The following COL22A1 variants were observed in gnomAD, a reference collection of about 807,000 sequenced individuals.
The protein encoded by COL22A1 is collagen type XXII alpha 1 chain.
A neutral mutation model predicts 248.9 loss-of-function variants in COL22A1; 221 were observed. That is an observed-to-expected ratio of 0.89 (90% CI 0.80 to 0.99). The LOEUF (loss-of-function observed/expected upper bound fraction) is 0.99, where lower values mean the gene tolerates loss of function less well. COL22A1 is among the 50% of genes least tolerant of loss of function. COL22A1 has a pLI of 0.00. For missense variants in COL22A1, 2,240 were observed against 2,179.0 expected, an observed-to-expected ratio of 1.03 and a Z score of -0.56; for synonymous variants, 891 against 793.4, an observed-to-expected ratio of 1.12 and a Z score of -2.07.
chr8:138,667,902 C>G (rs901236612), intron 41 of COL22A1, among the ~76,000 whole-genome samples: 3 of 151,920 alleles, frequency 2.0e-5, no homozygotes, highest in African/African-American at 7.3e-5. Flanking sequence ...GATCAAGCCT[C>G]TAGGTCTGAG....
At chr8:138,845,855 C>T (rs958473208) in intron 3 of COL22A1, among the ~76,000 whole-genome samples, 6 of 152,172 alleles carry the variant, frequency 3.9e-5, no homozygotes, top group African/African-American at 1.2e-4. Flanking sequence ...ACTTATCTCC[C>T]TGAAGACCCA....
chr8:138,781,399 G>T (rs770825163), intron 12 of COL22A1, among the ~76,000 whole-genome samples: 1 of 152,282 alleles, frequency 6.6e-6, no homozygotes, highest in Non-Finnish European at 1.5e-5. Flanking sequence ...CTATGGGGCT[G>T]AGCTGTGCAC....
intron 50 of COL22A1, among the ~76,000 whole-genome samples, chr8:138,627,816 T>C (rs1300306030): frequency 6.6e-6 from 1 of 152,184 alleles, no homozygotes; most frequent in Non-Finnish European, 1.5e-5. Context: ...TAAGCCTGTT[T>C]GCATCAGTTA....
At chr8:138,844,189 T>G (rs1342700851) in intron 3 of COL22A1, 31 bp from the exon 4 acceptor site, 1 of 1,597,868 alleles carries the variant, frequency 6.3e-7, no homozygotes, top group African/African-American at 1.3e-5. Flanking sequence ...CAGAGACTGA[T>G]GAGAAAATGT....
In COL22A1 at chr8:138,799,872, C is replaced by T. The variant is rs569039417; in HGVS notation, c.1557+3000G>A. On this transcript the variant is annotated intron_variant, in intron 11 of 64. Coordinates refer to ENST00000303045, the MANE Select transcript of COL22A1 (RefSeq NM_152888.3). ...GGAGCAGTCTTCTTAGTGGTGTTTTCCCCCTGGTTCTTTCTGGTAAACTAG... is the reference window on the plus strand; with the variant it reads ...GGAGCAGTCTTCTTAGTGGTGTTTTTCCCCTGGTTCTTTCTGGTAAACTAG... Among the ~76,000 whole-genome samples the T allele has an allele frequency of 3.3e-5, 5 of 152,216 alleles. No individual in the cohort carries two copies. The South Asian group carries it at 1.0e-3, about 32-fold the overall frequency.
At chr8:138,755,623 C>T in intron 19 of COL22A1, 112 bp from the exon 20 acceptor site, 1 of 1,379,580 alleles carries the variant, frequency 7.2e-7, no homozygotes, top group Non-Finnish European at 1.0e-6. Context: ...CATGTCGTGC[C>T]TCCTGACTTT....
At chr8:138,854,343 C>G (rs570088127) in intron 3 of COL22A1, among the ~76,000 whole-genome samples, 3 of 152,296 alleles carry the variant, frequency 2.0e-5, no homozygotes, top group Admixed American at 2.0e-4. Flanking sequence ...AGAGCCTCTG[C>G]CCTCCTGAAG....
chr8:138,632,715 G>C (rs944450028), intron 49 of COL22A1, among the ~76,000 whole-genome samples: 3 of 152,154 alleles, frequency 2.0e-5, no homozygotes, highest in African/African-American at 7.2e-5. Context: ...TCCTGGGGCA[G>C]GGTGCAATCA....
intron 27 of COL22A1, among the ~76,000 whole-genome samples, chr8:138,718,875 G>A (rs1428713414): frequency 6.6e-6 from 1 of 152,184 alleles, no homozygotes; most frequent in East Asian, 1.9e-4. Flanking sequence ...AGATTGAAAA[G>A]CTGGAGTAAT....
chr8:138,718,393 G>A (rs1829609186), intron 27 of COL22A1, among the ~76,000 whole-genome samples: 1 of 152,158 alleles, frequency 6.6e-6, no homozygotes, highest in Non-Finnish European at 1.5e-5. Flanking sequence ...GAAAGGATAA[G>A]GGGCTGAGTT....
intron 22 of COL22A1, among the ~76,000 whole-genome samples, chr8:138,744,852 C>T (rs1278688730): frequency 6.6e-6 from 1 of 152,160 alleles, no homozygotes; most frequent in Non-Finnish European, 1.5e-5. Flanking sequence ...AAATGACAGT[C>T]AAGAACCCCA....
chr8:138,737,462 G>C, intron 23 of COL22A1, 62 bp downstream of exon 23: 1 of 1,203,148 alleles, frequency 8.3e-7, no homozygotes, highest in African/African-American at 1.5e-5. Flanking sequence ...GCTGCTGCCT[G>C]GTCATTTATT....
chr8:138,828,399 G>A (rs1486345050), intron 5 of COL22A1, among the ~76,000 whole-genome samples: 3 of 152,078 alleles, frequency 2.0e-5, no homozygotes, highest in South Asian at 2.1e-4. Flanking sequence ...CCCAAGGTTC[G>A]CTGGGGGGTG....
At chr8:138,844,018 G>C in intron 4 of COL22A1, 66 bp downstream of exon 4, 1 of 1,383,742 alleles carries the variant, frequency 7.2e-7, no homozygotes, top group Admixed American at 1.7e-5. Flanking sequence ...AATTGACTAG[G>C]GTCATGCTCA....
intron 47 of COL22A1, among the ~76,000 whole-genome samples, chr8:138,645,579 T>A (rs1822131959): frequency 6.6e-6 from 1 of 152,206 alleles, no homozygotes; most frequent in African/African-American, 2.4e-5. Flanking sequence ...TACCAGGCAC[T>A]GATGGGAGCA....
intron 56 of COL22A1, 93 bp from the exon 57 acceptor site, chr8:138,608,082 T>C: frequency 8.7e-7 from 1 of 1,152,376 alleles, no homozygotes; most frequent in South Asian, 1.4e-5. Context: ...GACTTGGTTT[T>C]ACACAGAATC....
At position 138,608,032 on chromosome 8, in the gene COL22A1, A is replaced by G. The variant is rs530855715; in HGVS notation, c.3979-43T>C. 4 of 1,586,602 alleles carry G rather than the reference A, an allele frequency of 2.5e-6. No individual in the cohort carries two copies. The South Asian group carries it at 3.3e-5, about 13-fold the overall frequency. ...GGTAATCATCCTGCCAGGGCATCAAAGAGCAGGACGGTGGAACAAAGAGAT... is the reference window on the plus strand; with the variant it reads ...GGTAATCATCCTGCCAGGGCATCAAGGAGCAGGACGGTGGAACAAAGAGAT... On this transcript the variant is annotated intron_variant, in intron 56 of 64. Coordinates refer to ENST00000303045, the MANE Select transcript of COL22A1 (RefSeq NM_152888.3).
In COL22A1 at chr8:138,844,716, C is replaced by T. The variant is rs551344622; in HGVS notation, c.659-558G>A. Among the ~76,000 whole-genome samples the T allele has an allele frequency of 5.5e-4, 83 of 151,876 alleles. 1 individual carries two copies. Among genetic ancestry groups the T allele is most frequent in the Admixed American group, 2.9e-3 (45 of 15,258 alleles). ...CTGTAATCCCAGCACTTTGGGAGGCCGAGGCGGGCGGATCACGAGGTCAGG... is the reference window on the plus strand; with the variant it reads ...CTGTAATCCCAGCACTTTGGGAGGCTGAGGCGGGCGGATCACGAGGTCAGG... On this transcript the variant is annotated intron_variant, in intron 3 of 64. Transcript: ENST00000303045.
chr8:138,619,817 T>C (rs1819625462), intron 52 of COL22A1, among the ~76,000 whole-genome samples: 1 of 152,226 alleles, frequency 6.6e-6, no homozygotes, highest in African/African-American at 2.4e-5. Context: ...TATGGCCATC[T>C]TAGTTACAGA....
Sources: gnomAD v4.1 joint callset for allele counts (sites outside exome capture counted in the v4.1 genomes callset) on GRCh38, gnomAD v4.1.1 for gene constraint, MANE v1.5 for transcripts, NCBI Gene and HGNC (gene_info 2026-07-23, HGNC 2026-07-21) for gene names.